ITGAE: variants seen among roughly 807,000 people sequenced by gnomAD.
ITGAE encodes the protein integrin subunit alpha E.
Under a neutral mutation model 136.5 loss-of-function variants are expected in ITGAE, and 99 were observed. That is an observed-to-expected ratio of 0.73 (90% CI 0.62 to 0.86). ITGAE has a LOEUF of 0.86. Among genes scored for constraint, ITGAE ranks in the 40% least tolerant of loss-of-function variants. The pLI is 0.00. For missense variants in ITGAE, 1,447 were observed against 1,515.3 expected, an observed-to-expected ratio of 0.95 and a Z score of 0.75; for synonymous variants, 613 against 591.8, an observed-to-expected ratio of 1.04 and a Z score of -0.52.
chr17:3,773,295 G>T (rs1352511910), intron 2 of ITGAE, among the ~76,000 whole-genome samples: 2 of 151,250 alleles, frequency 1.3e-5, no homozygotes, highest in African/African-American at 2.4e-5. Flanking sequence ...TTCGAGACCA[G>T]CCTGGCCAAC....
At chr17:3,750,212 C>G in intron 16 of ITGAE, 140 bp downstream of exon 16, 1 of 1,220,096 alleles carries the variant, frequency 8.2e-7, no homozygotes, top group Non-Finnish European at 1.1e-6. Flanking sequence ...CAAACCCAGA[C>G]GGGCAGACTC....
chr17:3,781,653 T>C (rs2052670740), intron 1 of ITGAE, among the ~76,000 whole-genome samples: 1 of 152,022 alleles, frequency 6.6e-6, no homozygotes, highest in African/African-American at 2.4e-5. Context: ...CAAGGCCCGG[T>C]CTCTTCTTTA....
At position 3,716,889 on chromosome 17, in the gene ITGAE, C is replaced by G. The variant is rs371158270; in HGVS notation, c.3334-91G>C. 524 of 726,706 alleles carry G rather than the reference C, an allele frequency of 7.2e-4. 2 individuals are homozygous for G. The highest frequency in any genetic ancestry group is 6.3e-3 in the African/African-American group (359 of 57,430). The allele number at this position is 726,706 out of a possible 1,614,324, so 45.0% of individuals were successfully genotyped here. A position where few individuals can be genotyped will look rare whatever the true frequency, so the allele number is the denominator to read the frequency against. ...TATTTTAAGGAGCAAAATACGAGGACTTGGCAACAACCCGTGTATTGATCA... is the reference window on the plus strand; with the variant it reads ...TATTTTAAGGAGCAAAATACGAGGAGTTGGCAACAACCCGTGTATTGATCA... On this transcript the variant is annotated intron_variant, in intron 29 of 30. Transcript: ENST00000263087.
At chr17:3,761,764 C>T in intron 4 of ITGAE, 151 bp downstream of exon 4, 1 of 733,330 alleles carries the variant, frequency 1.4e-6, no homozygotes, top group Non-Finnish European at 2.3e-6. Flanking sequence ...GTGGTCAGAG[C>T]TACAGTCAGC....
chr17:3,764,018 G>T, intron 2 of ITGAE, 58 bp from the exon 3 acceptor site: 1 of 1,241,066 alleles, frequency 8.1e-7, no homozygotes, highest in Non-Finnish European at 1.2e-6. Flanking sequence ...TCTTCTCCCT[G>T]CCTGCCCAGC....
intron 1 of ITGAE, among the ~76,000 whole-genome samples, chr17:3,793,043 G>T (rs1396686103): frequency 6.6e-6 from 1 of 151,902 alleles, no homozygotes; most frequent in African/African-American, 2.4e-5. Flanking sequence ...ATCCCTTTGA[G>T]AATCTTTTTC....
chr17:3,792,322 A>G (rs9890391), intron 1 of ITGAE, among the ~76,000 whole-genome samples: 84,199 of 151,910 alleles, frequency 0.55, 23,867 homozygotes, highest in African/African-American at 0.63. Flanking sequence ...GGGTTTCACC[A>G]TATTGCCCAG....
intron 19 of ITGAE, among the ~76,000 whole-genome samples, chr17:3,741,705 G>A (rs911619042): frequency 5.9e-5 from 9 of 152,202 alleles, no homozygotes; most frequent in Admixed American, 2.0e-4. Flanking sequence ...CACTAGGAAT[G>A]GACAAGTCCA....
Position 3,732,835 on chromosome 17 carries a change from C to T in ITGAE, c.2656-369G>A, listed in dbSNP as rs1001392723. On this transcript the variant is annotated intron_variant, in intron 21 of 30. Coordinates refer to ENST00000263087, the MANE Select transcript of ITGAE (RefSeq NM_002208.5). ...TATAACCCACAGCCTGGCTGGAAGG[C>T]CGGCACACACCAGCACTGCCACGTA... Among the ~76,000 whole-genome samples the T allele has an allele frequency of 2.1e-4, 32 of 152,186 alleles. 1 individual carries two copies. Among genetic ancestry groups the T allele is most frequent in the South Asian group, 2.1e-4 (1 of 4,832 alleles).
chr17:3,785,742 G>GT (rs1356548194), intron 1 of ITGAE, among the ~76,000 whole-genome samples: 1 of 150,948 alleles, frequency 6.6e-6, no homozygotes, highest in Non-Finnish European at 1.5e-5. Context: ...TGATGCTGAA[G>GT]TTTTTTTTAA....
chr17:3,791,943 C>T (rs1419388973), intron 1 of ITGAE, among the ~76,000 whole-genome samples: 2 of 152,108 alleles, frequency 1.3e-5, no homozygotes, highest in African/African-American at 2.4e-5. Context: ...ATAGTTATCT[C>T]GTTTACCTGT....
At chr17:3,780,134 C>A (rs1567553553) in intron 1 of ITGAE, among the ~76,000 whole-genome samples, 1 of 150,906 alleles carries the variant, frequency 6.6e-6, no homozygotes, top group East Asian at 1.9e-4. Flanking sequence ...CCACCATGCC[C>A]GGCTAATTTT....
chr17:3,729,026 A>T (rs1449206382), intron 24 of ITGAE, among the ~76,000 whole-genome samples: 1 of 142,324 alleles, frequency 7.0e-6, no homozygotes, highest in Non-Finnish European at 1.5e-5. Flanking sequence ...ACAGAGTGAG[A>T]CTTCGTCTCA....
In ITGAE at chr17:3,777,586, C is replaced by T. The variant is rs772032855; in HGVS notation, c.109G>A (p.Val37Met). ...TCTTGGTGCAGAAGGGAGCTGAGCA[C>T]GAAAGGGGCACCTCCCTTGGGCGTG... ...WLTPKGGAPF[V>M]LSSLLHQDPS... The change falls in exon 2 of 31, where the codon GTG (valine) becomes ATG (methionine). Residue 37 changes from valine (V) to methionine (M), a missense_variant. This residue lies in a region of ITGAE where 106 missense variants were observed against 87.8 expected (regional missense o/e 1.21). Coordinates refer to ENST00000263087, the MANE Select transcript of ITGAE (RefSeq NM_002208.5). The T allele has an allele frequency of 6.2e-6, 10 of 1,613,790 alleles. No individual in the cohort carries two copies. The highest frequency in any genetic ancestry group is 4.5e-5 in the East Asian group (2 of 44,872).
chr17:3,789,847 T>A (rs919929762), intron 1 of ITGAE, among the ~76,000 whole-genome samples: 4 of 152,296 alleles, frequency 2.6e-5, no homozygotes, highest in African/African-American at 9.6e-5. Context: ...AAAAATGGCA[T>A]GAAAAACGTC....
At chr17:3,729,600 A>G (rs1482852932) in intron 23 of ITGAE, 45 bp from the exon 24 acceptor site, 1 of 1,220,778 alleles carries the variant, frequency 8.2e-7, no homozygotes, top group Non-Finnish European at 1.2e-6. Context: ...CTTTGTACAT[A>G]GCAAGTGCTT....
intron 2 of ITGAE, among the ~76,000 whole-genome samples, chr17:3,775,750 G>A (rs1048974108): frequency 1.3e-5 from 2 of 151,978 alleles, no homozygotes; most frequent in Non-Finnish European, 2.9e-5. Context: ...GATTACAGGT[G>A]TGAGCCACTG....
At chr17:3,770,697 C>T (rs1216769227) in intron 2 of ITGAE, among the ~76,000 whole-genome samples, 8 of 152,222 alleles carry the variant, frequency 5.3e-5, no homozygotes. Flanking sequence ...CCACCACATC[C>T]TCCTCCCCAG....
intron 16 of ITGAE, among the ~76,000 whole-genome samples, chr17:3,748,380 G>A (rs914256347): frequency 2.0e-5 from 3 of 152,210 alleles, no homozygotes; most frequent in African/African-American, 2.4e-5. Flanking sequence ...GAGGTCAGGG[G>A]TTCGAGACCA....
Sources: gnomAD v4.1 joint callset for allele counts (sites outside exome capture counted in the v4.1 genomes callset) on GRCh38, gnomAD v4.1.1 for gene constraint, gnomAD v4.1.1 regional missense constraint, MANE v1.5 for transcripts, NCBI Gene and HGNC (gene_info 2026-07-23, HGNC 2026-07-21) for gene names.